The following NRG1 variants were observed in gnomAD, a reference collection of about 807,000 sequenced individuals.
The protein encoded by NRG1 is neuregulin 1.
A neutral mutation model predicts 63.8 loss-of-function variants in NRG1; 18 were observed. The ratio of observed to expected loss-of-function variants is 0.28; its 90% CI spans 0.19 to 0.42. The LOEUF (loss-of-function observed/expected upper bound fraction) is 0.42. Ranked by LOEUF, NRG1 falls within the 10% of genes least tolerant of loss-of-function variation. The pLI is 1.00. For missense variants in NRG1, 762 were observed against 814.7 expected, an observed-to-expected ratio of 0.94 and a Z score of 0.79; for synonymous variants, 302 against 301.3, an observed-to-expected ratio of 1.00 and a Z score of -0.02.
intron 1 of NRG1, among the ~76,000 whole-genome samples, chr8:31,981,385 A>T (rs1314975839): frequency 2.6e-5 from 4 of 152,034 alleles, no homozygotes; most frequent in African/African-American, 9.7e-5. Context: ...ACTTGAATCT[A>T]CGCTCCTGAG....
chr8:31,887,425 C>G lies in NRG1; in HGVS notation c.37+247994C>G, dbSNP rs1383886. Among the ~76,000 whole-genome samples the G allele has an allele frequency of 5.1e-4, 77 of 152,150 alleles. 1 individual carries two copies. The highest frequency in any genetic ancestry group is 1.6e-3 in the African/African-American group (67 of 41,506). ...TATTTGAGCTTTATTTCCCAGCTCT[C>G]TGACACAGATTTAGGGGTGGTGTGG... On this transcript the variant is annotated intron_variant, in intron 1 of 10. Coordinates refer to the NRG1 transcript ENST00000519301.
At chr8:32,142,081 A>G (rs2131739050) in intron 1 of NRG1, among the ~76,000 whole-genome samples, 1 of 152,202 alleles carries the variant, frequency 6.6e-6, no homozygotes, top group Non-Finnish European at 1.5e-5. Context: ...TGAAAACAAA[A>G]TTTAATGTAA....
At chr8:31,951,754 G>A (rs78835577) in intron 1 of NRG1, among the ~76,000 whole-genome samples, 2,058 of 152,218 alleles carry the variant, frequency 0.014, 44 homozygotes, top group African/African-American at 0.046. Flanking sequence ...CCTTGCCATC[G>A]AAGTTCCCTT....
intron 1 of NRG1, among the ~76,000 whole-genome samples, chr8:32,472,019 C>T (rs77473510): frequency 0.013 from 1,980 of 152,314 alleles, 46 homozygotes; most frequent in African/African-American, 0.045. Context: ...CTCTCCCTCA[C>T]AACCACATGA....
In NRG1 at chr8:32,569,905, C is replaced by CTTT. The variant is rs1209336043; in HGVS notation, c.100+21097_100+21099dup. On this transcript the variant is annotated intron_variant, in intron 1 of 11. Transcript: ENST00000356819. ...AGTTAATTCTTTTTCTGATAGTTAT[C>CTTT]TTTTTTTTTTTTTTTTTTTTGAGAT... is the stretch of plus-strand genomic sequence containing the variant. Among the ~76,000 whole-genome samples the CTTT allele has an allele frequency of 2.8e-3, 336 of 121,616 alleles. 3 individuals carry two copies. Among genetic ancestry groups the CTTT allele is most frequent in the African/African-American group, 9.2e-3 (307 of 33,306 alleles). 79.8% of individuals were successfully genotyped at this position (121,616 alleles called of 152,430 possible).
At chr8:31,731,256 G>A (rs1321097816) in intron 1 of NRG1, among the ~76,000 whole-genome samples, 3 of 152,110 alleles carry the variant, frequency 2.0e-5, no homozygotes, top group Non-Finnish European at 4.4e-5. Context: ...CTTATGTCAA[G>A]TGTGGAAAAT....
chr8:31,807,920 C>T (rs1344252289), intron 1 of NRG1, among the ~76,000 whole-genome samples: 1 of 150,652 alleles, frequency 6.6e-6, no homozygotes, highest in Admixed American at 6.6e-5. Flanking sequence ...TCAGAATTTC[C>T]TTCTTTTTTA....
At chr8:32,738,437 C>G (rs1825630778) in intron 6 of NRG1, among the ~76,000 whole-genome samples, 1 of 151,808 alleles carries the variant, frequency 6.6e-6, no homozygotes, top group Non-Finnish European at 1.5e-5. Flanking sequence ...CACACACACA[C>G]ACACACACAT....
At chr8:32,479,210 T>C (rs1237330439) in intron 1 of NRG1, among the ~76,000 whole-genome samples, 1 of 152,134 alleles carries the variant, frequency 6.6e-6, no homozygotes, top group Non-Finnish European at 1.5e-5. Context: ...ATGTGGTGGC[T>C]CACACTGGTA....
intron 1 of NRG1, among the ~76,000 whole-genome samples, chr8:32,446,998 T>TA (rs1820329582): frequency 1.6e-5 from 2 of 122,774 alleles, no homozygotes; most frequent in Admixed American, 2.0e-4. Context: ...ACTAAAATAC[T>TA]TTTTATTTAT....
At position 32,763,375 on chromosome 8, in the gene NRG1, A is replaced by G. The variant is rs370092039; in HGVS notation, c.1260-373A>G. 36 of 1,612,058 alleles carry G rather than the reference A, an allele frequency of 2.2e-5. No individual in the cohort carries two copies. The African/African-American group carries it at 4.5e-4, about 20-fold the overall frequency. The stretch of plus-strand genomic sequence containing the variant: ...CTTTAGGAAGGTATAGTATTTAAGT[A>G]ATACTTCTTTCCCTTCCGAATCCCT... On this transcript the variant is annotated intron_variant, in intron 11 of 11. Coordinates refer to ENST00000356819, the Ensembl canonical transcript of NRG1.
chr8:31,809,441 G>A lies in NRG1; in HGVS notation c.37+170010G>A, dbSNP rs189456037. Among the ~76,000 whole-genome samples, 191 of 146,942 alleles carry A rather than the reference G, an allele frequency of 1.3e-3. 1 individual carries two copies. The highest frequency in any genetic ancestry group is 4.4e-3 in the African/African-American group (176 of 40,132). ...ACTTTTTATGTCTTATTAGACAAAC[G>A]TTAGGATTTCTGTTTCTGTTCTCTG... On this transcript the variant is annotated intron_variant, in intron 1 of 10. Coordinates refer to the NRG1 transcript ENST00000519301.
At chr8:31,723,334 G>C (rs1181125563) in intron 1 of NRG1, among the ~76,000 whole-genome samples, 1 of 152,046 alleles carries the variant, frequency 6.6e-6, no homozygotes, top group African/African-American at 2.4e-5. Flanking sequence ...CAGTGAGCAG[G>C]GTGAGAAAAT....
At chr8:32,343,269 G>C (rs538221583) in intron 1 of NRG1, among the ~76,000 whole-genome samples, 1 of 152,084 alleles carries the variant, frequency 6.6e-6, no homozygotes, top group Non-Finnish European at 1.5e-5. Context: ...GATTTTACAT[G>C]TCCCATCCAA....
intron 1 of NRG1, among the ~76,000 whole-genome samples, chr8:32,404,584 TC>T (rs1813691546): frequency 1.7e-5 from 2 of 114,328 alleles, no homozygotes; most frequent in Admixed American, 1.1e-4. Flanking sequence ...TTCTTCTTCA[TC>T]TTTTTTTTTT....
At chr8:32,588,315 A>G (rs1841976359) in intron 1 of NRG1, among the ~76,000 whole-genome samples, 1 of 152,178 alleles carries the variant, frequency 6.6e-6, no homozygotes, top group African/African-American at 2.4e-5. Flanking sequence ...TAAGCATTCT[A>G]TTTAACTGAG....
At chr8:31,985,905 C>T (rs1809975791) in intron 1 of NRG1, among the ~76,000 whole-genome samples, 1 of 152,102 alleles carries the variant, frequency 6.6e-6, no homozygotes, top group Admixed American at 6.6e-5. Flanking sequence ...CTTGGCAAAA[C>T]ATTGCTTCCT....
At chr8:32,131,302 A>C (rs1267702535) in intron 1 of NRG1, among the ~76,000 whole-genome samples, 1 of 152,014 alleles carries the variant, frequency 6.6e-6, no homozygotes, top group East Asian at 1.9e-4. Context: ...ATCCTAAAAC[A>C]ACTGGAAATT....
At chr8:32,495,898 G>A (rs572600042) in intron 1 of NRG1, among the ~76,000 whole-genome samples, 42 of 152,248 alleles carry the variant, frequency 2.8e-4, no homozygotes, top group Admixed American at 6.5e-4. Flanking sequence ...CCAGTCTATC[G>A]TATTCTCAAA....
Sources: gnomAD v4.1 joint callset for allele counts (sites outside exome capture counted in the v4.1 genomes callset) on GRCh38, gnomAD v4.1.1 for gene constraint, MANE v1.5 for transcripts, NCBI Gene and HGNC (gene_info 2026-07-23, HGNC 2026-07-21) for gene names.